Variants in SERP2 observed in about 807,000 individuals in gnomAD.
The protein encoded by SERP2 is stress-associated endoplasmic reticulum protein 2.
In SERP2, 6 loss-of-function variants were observed where a neutral mutation model predicts 9.1. That is an observed-to-expected ratio of 0.66 (90% CI 0.36 to 1.30). The LOEUF is 1.30. Among genes scored for constraint, SERP2 ranks in the 50% most tolerant of loss-of-function variants. The probability of loss-of-function intolerance (pLI) is 0.03; values close to 1 mark genes in which losing one functional copy is unlikely to be tolerated. For missense variants in SERP2, 58 were observed against 81.9 expected (o/e 0.71, Z 1.13); for synonymous variants, 37 against 27.3 (o/e 1.35, Z -1.10).
intron 2 of SERP2, chr13:44,395,817 T>C (rs746825752): frequency 2.2e-6 from 1 of 457,042 alleles, no homozygotes; most frequent in South Asian, 1.6e-5. Context: ...GGCAACAAAA[T>C]AATAGTACAG....
intron 2 of SERP2, among the ~76,000 whole-genome samples, chr13:44,386,351 G>A (rs1215974423): frequency 6.6e-5 from 10 of 152,160 alleles, no homozygotes; most frequent in Non-Finnish European, 1.5e-4. Context: ...ACATCTCAGG[G>A]CTGTATCTTG....
At chr13:44,397,040 A>C (rs927244842) in intron 2 of SERP2, among the ~76,000 whole-genome samples, 3 of 152,244 alleles carry the variant, frequency 2.0e-5, no homozygotes, top group African/African-American at 7.2e-5. Flanking sequence ...TGGTGGAATT[A>C]GCAGGAGTTA....
At chr13:44,396,764 G>C (rs1455243923) in intron 2 of SERP2, among the ~76,000 whole-genome samples, 1 of 152,092 alleles carries the variant, frequency 6.6e-6, no homozygotes, top group East Asian at 1.9e-4. Flanking sequence ...GTTCCAAGCA[G>C]CTGGAAGATA....
intron 2 of SERP2, among the ~76,000 whole-genome samples, chr13:44,394,495 G>C (rs554983963): frequency 6.6e-6 from 1 of 152,220 alleles, no homozygotes; most frequent in South Asian, 2.1e-4. Flanking sequence ...TTATTACCTC[G>C]AACTTTTGAA....
rs76684613 is a variant in SERP2 at position 44,396,116 on chromosome 13, A to G, written c.158-1156A>G. 231 of 187,636 alleles carry G rather than the reference A, an allele frequency of 1.2e-3. 4 individuals carry two copies. In the East Asian group the frequency reaches 0.026, roughly 21 times the overall value. 11.6% of individuals were successfully genotyped at this position (187,636 alleles called of 1,614,324 possible). On this transcript the variant is annotated intron_variant, in intron 2 of 2. Coordinates refer to ENST00000379179, the MANE Select transcript of SERP2 (RefSeq NM_001010897.3). ...TGATGGGTACAGTGTTTTTACGGGG[A>G]AAAAAAGCCAAAAAATGCATTCATG...
At chr13:44,390,600 G>A in intron 2 of SERP2, 1 of 310,524 alleles carries the variant, frequency 3.2e-6, no homozygotes, top group East Asian at 9.1e-5. Flanking sequence ...CCTCCTTTGT[G>A]CCCTGGGGGC....
chr13:44,383,850 CACCCAGG>C (rs917622018), intron 2 of SERP2, among the ~76,000 whole-genome samples: 1 of 151,950 alleles, frequency 6.6e-6, no homozygotes, highest in Non-Finnish European at 1.5e-5. Flanking sequence ...TGCGCTCGGC[CACCCAGG>C]GCTCTTTCAA....
chr13:44,395,889 C>A, intron 2 of SERP2: 1 of 449,892 alleles, frequency 2.2e-6, no homozygotes, highest in South Asian at 1.6e-5. Context: ...AGAAAGAGAC[C>A]CAAAAAATGA....
Position 44,397,296 on chromosome 13 carries a change from T to C in SERP2, c.182T>C (p.Ile61Thr), listed in dbSNP as rs749469457. ...GSAIFQIIQSIRMGM is the reference protein window; with the variant it reads ...GSAIFQIIQSTRMGM ...GCTATCTTTCAGATCATTCAGAGCA[T>C]AAGGATGGGCATGTGAGAAAGCCAG... The change falls in exon 3 of 3, where the codon ATA becomes ACA. Residue 61 changes from isoleucine (I) to threonine (T), a missense_variant. Physicochemically the swap from Ile to Thr is moderately conservative, Grantham distance 89 (BLOSUM62 -1). Transcript: ENST00000379179. 1 of 1,613,720 alleles carries C rather than the reference T, an allele frequency of 6.2e-7. No homozygotes were observed. The highest frequency in any genetic ancestry group is 8.5e-7 in the Non-Finnish European group (1 of 1,179,680).
chr13:44,394,114 A>G (rs947970334), intron 2 of SERP2, among the ~76,000 whole-genome samples: 22 of 152,050 alleles, frequency 1.4e-4, no homozygotes, highest in Admixed American at 1.2e-3. Flanking sequence ...TGCAAACTTT[A>G]TCTTAGATTC....
In SERP2 at chr13:44,383,544, G is replaced by GTTTTTTTTTTTTTTTTTTTTTTTTTTTT. The variant is rs373109847; in HGVS notation, c.157+3839_157+3840insTTTTTTTTTTTTTTTTTTTTTTTTTTTT. On this transcript the variant is annotated intron_variant, in intron 2 of 2. Coordinates refer to ENST00000379179, the MANE Select transcript of SERP2 (RefSeq NM_001010897.3). ...TAGCTCCACCTCTCTGGAGGTTTGC[G>GTTTTTTTTTTTTTTTTTTTTTTTTTTTT]TTTTTTTTGTTTTTTTTTTTTTGAG... Among the ~76,000 whole-genome samples, 3 of 91,830 alleles carry GTTTTTTTTTTTTTTTTTTTTTTTTTTTT rather than the reference G, an allele frequency of 3.3e-5. 1 individual carries two copies. Among genetic ancestry groups the GTTTTTTTTTTTTTTTTTTTTTTTTTTTT allele is most frequent in the Non-Finnish European group, 2.1e-5 (1 of 47,422 alleles). 60.2% of individuals were successfully genotyped at this position (91,830 alleles called of 152,430 possible).
At chr13:44,377,822 T>C (rs949964607) in intron 1 of SERP2, among the ~76,000 whole-genome samples, 7 of 152,262 alleles carry the variant, frequency 4.6e-5, no homozygotes, top group African/African-American at 1.7e-4. Flanking sequence ...GAAACTTGTA[T>C]GTTTATTTGT....
At chr13:44,388,137 G>T (rs2138790933) in intron 2 of SERP2, among the ~76,000 whole-genome samples, 1 of 25,940 alleles carries the variant, frequency 3.9e-5, no homozygotes, top group Non-Finnish European at 7.2e-5. Context: ...GTGGTTTTTG[G>T]TCTTTTTTTT....
Position 44,379,501 on chromosome 13 carries a change from A to G in SERP2, c.85-140A>G, listed in dbSNP as rs184358415. 42 of 573,196 alleles carry G rather than the reference A, an allele frequency of 7.3e-5. No homozygotes were observed. In the Admixed American group the frequency reaches 1.3e-3, roughly 18 times the overall value. The allele number at this position is 573,196 out of a possible 1,614,324, so 35.5% of individuals were successfully genotyped here. A position where few individuals can be genotyped will look rare whatever the true frequency, so the allele number is the denominator to read the frequency against. ...CTTTTAATGGACTTCATTCATCTAT[A>G]TCTGTCCACTGAGGGATTGAAACCA... On this transcript the variant is annotated intron_variant, in intron 1 of 2. Coordinates refer to ENST00000379179, the MANE Select transcript of SERP2 (RefSeq NM_001010897.3).
At chr13:44,381,257 A>AG in intron 2 of SERP2, among the ~76,000 whole-genome samples, 1 of 151,354 alleles carries the variant, frequency 6.6e-6, no homozygotes, top group East Asian at 1.9e-4. Flanking sequence ...AAAAAAAAAA[A>AG]AAAGCCAGGC....
intron 2 of SERP2, among the ~76,000 whole-genome samples, chr13:44,380,245 A>G (rs1871895899): frequency 6.6e-6 from 1 of 152,220 alleles, no homozygotes; most frequent in Non-Finnish European, 1.5e-5. Flanking sequence ...TGCAGGGAAG[A>G]TGAGCAGAAG....
chr13:44,394,428 T>C (rs1228251685), intron 2 of SERP2, among the ~76,000 whole-genome samples: 2 of 152,318 alleles, frequency 1.3e-5, no homozygotes, highest in East Asian at 3.9e-4. Flanking sequence ...TGGACTGTCT[T>C]AGATTCTTTA....
intron 2 of SERP2, among the ~76,000 whole-genome samples, chr13:44,393,022 A>G (rs1373907933): frequency 7.9e-6 from 1 of 125,872 alleles, no homozygotes; most frequent in Non-Finnish European, 1.8e-5. Context: ...ATGGTTTCAC[A>G]GAGGCCAAGG....
chr13:44,375,987 A>C (rs1486633671), intron 1 of SERP2, among the ~76,000 whole-genome samples: 2 of 152,264 alleles, frequency 1.3e-5, no homozygotes, highest in African/African-American at 2.4e-5. Context: ...ATTATATTTA[A>C]TGTACAGTAT....
Sources: gnomAD v4.1 joint callset for allele counts (sites outside exome capture counted in the v4.1 genomes callset) on GRCh38, gnomAD v4.1.1 for gene constraint, MANE v1.5 for transcripts, NCBI Gene and HGNC (gene_info 2026-07-23, HGNC 2026-07-21) for gene names.